EXOC6B: variants seen among roughly 807,000 people sequenced by gnomAD.
EXOC6B encodes the protein SEC15 homolog B.
EXOC6B carries 54 observed loss-of-function variants against 113.5 expected under a neutral mutation model. The observed-to-expected ratio is 0.48, with a 90% confidence interval of 0.38 to 0.60. EXOC6B has a LOEUF of 0.60. EXOC6B is among the 20% of genes least tolerant of loss of function. EXOC6B has a pLI of 0.00. For synonymous variants in EXOC6B, 357 were observed against 339.0 expected, an observed-to-expected ratio of 1.05 and a Z score of -0.58; for missense variants, 797 against 977.5, an observed-to-expected ratio of 0.82 and a Z score of 2.46.
rs115800077 is a variant in EXOC6B at position 72,253,347 on chromosome 2, A to G, written c.2197-69160T>C. On this transcript the variant is annotated intron_variant, in intron 20 of 21. Transcript: ENST00000272427. ...AGACCCAGCAATCCCATTTTCAGGT[A>G]TATACTCAAAGGAATGAAAATCATT... Among the ~76,000 whole-genome samples the G allele has an allele frequency of 6.4e-3, 973 of 152,366 alleles. 7 individuals are homozygous for G. The highest frequency in any genetic ancestry group is 0.02 in the African/African-American group (822 of 41,590).
rs1024854749 is a variant in EXOC6B at position 72,209,519 on chromosome 2, AT to A, written c.2197-25333del. On this transcript the variant is annotated intron_variant, in intron 20 of 21. Transcript: ENST00000272427. ...ACAGATCCAGACCTTGTCTCCAAAA[AT>A]TTTTTTTTCAGGTTTCTAAAGAAGC... is the stretch of plus-strand genomic sequence containing the variant. Among the ~76,000 whole-genome samples the A allele has an allele frequency of 7.3e-5, 11 of 151,510 alleles. 1 individual carries two copies. The highest frequency in any genetic ancestry group is 4.6e-4 in the Admixed American group (7 of 15,210).
rs577663650 is a variant in EXOC6B at position 72,302,002 on chromosome 2, G to A, written c.2196+32945C>T. Reference sequence around the variant, plus strand: ...TGCTATAAATTTCCCTCTTTTCATTGCCTTAGTTGTGTCCCAGGGATTCTG... The same window carrying A: ...TGCTATAAATTTCCCTCTTTTCATTACCTTAGTTGTGTCCCAGGGATTCTG... On this transcript the variant is annotated intron_variant, in intron 20 of 21. Transcript: ENST00000272427. Among the ~76,000 whole-genome samples, 9 of 152,198 alleles carry A rather than the reference G, an allele frequency of 5.9e-5. No homozygotes were observed. The South Asian group carries it at 1.7e-3, about 28-fold the overall frequency.
chr2:72,690,640 CT>C (rs1677420839), intron 6 of EXOC6B, among the ~76,000 whole-genome samples: 1 of 152,300 alleles, frequency 6.6e-6, no homozygotes, highest in African/African-American at 2.4e-5. Context: ...CAGTACTAGT[CT>C]CAGTTTCTAA....
chr2:72,496,968 T>TTA (rs1292455313), intron 13 of EXOC6B, among the ~76,000 whole-genome samples: 10 of 146,896 alleles, frequency 6.8e-5, no homozygotes, highest in Admixed American at 1.4e-4. Context: ...ATTATTATTA[T>TTA]TATTATTATT....
chr2:72,235,027 G>A (rs1483245542), intron 20 of EXOC6B, among the ~76,000 whole-genome samples: 1 of 152,150 alleles, frequency 6.6e-6, no homozygotes, highest in East Asian at 1.9e-4. Flanking sequence ...TATCATTTGA[G>A]CCAGCAATCC....
intron 18 of EXOC6B, among the ~76,000 whole-genome samples, chr2:72,444,289 C>G (rs1696426753): frequency 1.3e-5 from 2 of 152,244 alleles, no homozygotes; most frequent in Admixed American, 6.5e-5. Flanking sequence ...TCTTAGGCAG[C>G]TCTGCCCCTG....
At chr2:72,549,763 A>G (rs537222131) in intron 8 of EXOC6B, among the ~76,000 whole-genome samples, 11 of 152,304 alleles carry the variant, frequency 7.2e-5, no homozygotes, top group African/African-American at 2.6e-4. Flanking sequence ...AAGAAAGGCA[A>G]GACACAAAGA....
intron 6 of EXOC6B, among the ~76,000 whole-genome samples, chr2:72,579,148 T>G (rs369698339): frequency 1.3e-5 from 2 of 152,142 alleles, no homozygotes; most frequent in East Asian, 3.9e-4. Flanking sequence ...CAGAATTAAC[T>G]GACTTAAATG....
chr2:72,370,210 C>G (rs185686327), intron 19 of EXOC6B, among the ~76,000 whole-genome samples: 2 of 152,256 alleles, frequency 1.3e-5, no homozygotes, highest in East Asian at 3.9e-4. Flanking sequence ...AGGATATGAA[C>G]AGACACTTCT....
rs1008725010 is a variant in EXOC6B at position 72,417,310 on chromosome 2, C to T, written c.1981-37440G>A. ...GTTCAAGAGATTCTCTTGCCTCAGCCTTTAGAGCAGCTAATTTTTGTATTT... is the reference window on the plus strand; with the variant it reads ...GTTCAAGAGATTCTCTTGCCTCAGCTTTTAGAGCAGCTAATTTTTGTATTT... On this transcript the variant is annotated intron_variant, in intron 18 of 21. Transcript: ENST00000272427. Among the ~76,000 whole-genome samples the T allele has an allele frequency of 7.5e-4, 114 of 152,112 alleles. 3 individuals carry two copies. Among genetic ancestry groups the T allele is most frequent in the Admixed American group, 7.4e-3 (113 of 15,270 alleles).
At chr2:72,691,117 A>C (rs761071144) in intron 6 of EXOC6B, among the ~76,000 whole-genome samples, 2 of 152,146 alleles carry the variant, frequency 1.3e-5, no homozygotes, top group Non-Finnish European at 2.9e-5. Context: ...AAATAAAATA[A>C]ATACAATAAA....
At chr2:72,584,689 T>C (rs1018967790) in intron 6 of EXOC6B, among the ~76,000 whole-genome samples, 3 of 152,136 alleles carry the variant, frequency 2.0e-5, no homozygotes, top group Non-Finnish European at 1.5e-5. Flanking sequence ...ACTTCACCCA[T>C]CAACCATGAA....
chr2:72,268,302 G>T (rs1444561063), intron 20 of EXOC6B, among the ~76,000 whole-genome samples: 1 of 151,996 alleles, frequency 6.6e-6, no homozygotes, highest in Admixed American at 6.6e-5. Context: ...GTAGAGACAG[G>T]GTTTTGTTAT....
intron 20 of EXOC6B, among the ~76,000 whole-genome samples, chr2:72,255,334 A>T (rs549513795): frequency 6.6e-6 from 1 of 152,238 alleles, no homozygotes. Flanking sequence ...AAAATTCTAT[A>T]AACAGAAAAA....
chr2:72,554,830 C>A (rs890407274), intron 8 of EXOC6B, among the ~76,000 whole-genome samples: 1 of 151,382 alleles, frequency 6.6e-6, no homozygotes, highest in African/African-American at 2.4e-5. Context: ...TAGCTATACA[C>A]GTGCCATGTT....
At chr2:72,744,487 C>T (rs1205158438) in intron 1 of EXOC6B, among the ~76,000 whole-genome samples, 1 of 152,120 alleles carries the variant, frequency 6.6e-6, no homozygotes, top group East Asian at 1.9e-4. Flanking sequence ...CAAGTAATCT[C>T]AAATAAGCTT....
chr2:72,213,361 T>C (rs1306726684), intron 20 of EXOC6B, among the ~76,000 whole-genome samples: 1 of 152,166 alleles, frequency 6.6e-6, no homozygotes, highest in Non-Finnish European at 1.5e-5. Flanking sequence ...AGTCACTAAG[T>C]TTGGGGTTAT....
At chr2:72,460,651 CAAT>C (rs1393521655) in intron 18 of EXOC6B, among the ~76,000 whole-genome samples, 1 of 152,176 alleles carries the variant, frequency 6.6e-6, no homozygotes, top group Non-Finnish European at 1.5e-5. Context: ...ATCAAAATCA[CAAT>C]GAGATACCAT....
rs1337369042 is a variant in EXOC6B, at chr2:72,667,958, C to A, written c.669+50145G>T. Among the ~76,000 whole-genome samples, 5 of 152,100 alleles carry A rather than the reference C, an allele frequency of 3.3e-5. No homozygotes were observed. The South Asian group carries it at 6.2e-4, about 19-fold the overall frequency. On this transcript the variant is annotated intron_variant, in intron 6 of 21. Transcript: ENST00000272427. The stretch of plus-strand genomic sequence containing the variant: ...CCTACAGAATGGGAGAAAATATTCA[C>A]CAACTATGCATCCAACAAAGGTCTA...
Sources: allele counts gnomAD v4.1 joint callset (sites outside exome capture counted in the v4.1 genomes callset), GRCh38; gene constraint gnomAD v4.1.1; transcripts MANE v1.5; gene names NCBI Gene and HGNC (gene_info 2026-07-23, HGNC 2026-07-21).